The following GTF3C1 variants were observed in gnomAD, a reference collection of about 807,000 sequenced individuals.
GTF3C1 encodes general transcription factor IIIC subunit 1.
GTF3C1 carries 57 observed loss-of-function variants against 226.7 expected under a neutral mutation model. The ratio of observed to expected loss-of-function variants is 0.25; its 90% CI spans 0.20 to 0.31. The LOEUF is 0.31. GTF3C1 is among the 10% of genes least tolerant of loss of function. The pLI is 1.00. For synonymous variants in GTF3C1, 1,090 were observed against 1,084.8 expected (o/e 1.00, Z -0.09); for missense variants, 2,217 against 2,776.1 (o/e 0.80, Z 4.53).
At chr16:27,474,339 A>C (rs1038441461) in intron 29 of GTF3C1, among the ~76,000 whole-genome samples, 1 of 152,152 alleles carries the variant, frequency 6.6e-6, no homozygotes, top group Non-Finnish European at 1.5e-5. Flanking sequence ...ATGGAACTGG[A>C]ACTGGAGGAG....
chr16:27,547,894 G>A (rs2089187392), intron 1 of GTF3C1, among the ~76,000 whole-genome samples: 1 of 152,028 alleles, frequency 6.6e-6, no homozygotes, highest in Non-Finnish European at 1.5e-5. Flanking sequence ...CAAAGTGCTG[G>A]GATTACAGGC....
In GTF3C1 at chr16:27,495,285, C is replaced by A. The variant is rs149348477; in HGVS notation, c.2558G>T (p.Cys853Phe). ...GCTGCCTTTAGATGGGGCTTCAGAG[C>A]AGGCCTCCCAGGCACTTCCAGAGGA... ...PSSSGSAWEA[C>F]SEAPSKGSQD... Residue 853 changes from cysteine to phenylalanine, a missense_variant, in exon 15 of 37, where the codon TGC becomes TTC. Transcript: ENST00000356183. 1 of 1,613,298 alleles carries A rather than the reference C, an allele frequency of 6.2e-7. No individual in the cohort carries two copies. The highest frequency in any genetic ancestry group is 2.2e-5 in the East Asian group (1 of 44,884).
Position 27,461,875 on chromosome 16 carries a change from G to A in GTF3C1, c.6118-313C>T. On this transcript the variant is annotated intron_variant, in intron 36 of 36. Transcript: ENST00000356183. This position sits in a 1 kb window ranked among gnomAD's most constrained non-coding sequence, Gnocchi z 5.3. The stretch of plus-strand genomic sequence containing the variant: ...CCTGTGAGCCAAGACTGGCTTCCAG[G>A]TGGGGTTTTGTTTGGCTCATGGGGA... 1 of 413,690 alleles carries A rather than the reference G, an allele frequency of 2.4e-6. No individual in the cohort carries two copies. Among genetic ancestry groups the A allele is most frequent in the Non-Finnish European group, 4.4e-6 (1 of 227,028 alleles). 25.6% of individuals were successfully genotyped at this position (413,690 alleles called of 1,614,324 possible).
chr16:27,523,986 T>C (rs1202324533), intron 6 of GTF3C1, among the ~76,000 whole-genome samples: 1 of 152,238 alleles, frequency 6.6e-6, no homozygotes, highest in Non-Finnish European at 1.5e-5. Context: ...CTGTCTGTGC[T>C]GTAAGTCATG....
chr16:27,505,382 T>C (rs2088468599), intron 10 of GTF3C1, among the ~76,000 whole-genome samples: 1 of 152,250 alleles, frequency 6.6e-6, no homozygotes, highest in Non-Finnish European at 1.5e-5. Flanking sequence ...CAGGAAATTC[T>C]CTGCTGTGAA....
intron 7 of GTF3C1, among the ~76,000 whole-genome samples, chr16:27,509,144 T>A (rs562672557): frequency 3.3e-5 from 5 of 152,336 alleles, no homozygotes; most frequent in African/African-American, 1.2e-4. Flanking sequence ...ACTACTGCAC[T>A]GTCCCATAAG....
At position 27,461,419 on chromosome 16, in the gene GTF3C1, C is replaced by T; in HGVS notation, c.6261G>A (p.Leu2087=). Residue 2087 remains leucine, a synonymous_variant, in exon 37 of 37, where the codon TTG becomes TTA. Transcript: ENST00000356183. The surrounding 1 kb of genome is among the most constrained non-coding windows in gnomAD (Gnocchi z 5.3). ...CACGGCCCAGCCGGAGGGTACAGTC[C>T]AAGGTGGGCTCATAGAAAGCCATGG... The part of the protein sequence containing the change: ...ESPMAFYEPT[L]DCTLRLGRVF... 6.2e-7 allele frequency: 1 copy of T among 1,614,034 alleles called. No homozygotes were observed. The highest frequency in any genetic ancestry group is 8.5e-7 in the Non-Finnish European group (1 of 1,179,946).
In GTF3C1 at chr16:27,462,702, C is replaced by T. The variant is rs951951815; in HGVS notation, c.5925-216G>A. On this transcript the variant is annotated intron_variant, in intron 35 of 36. Coordinates refer to ENST00000356183, the MANE Select transcript of GTF3C1 (RefSeq NM_001520.4). This position sits in a 1 kb window ranked among gnomAD's most constrained non-coding sequence, Gnocchi z 4.5. ...CTGGGTGGAACCAGGACGTGGTGTC[C>T]GCTCTGATGTAGCTGTAACTGAGGC... The T allele has an allele frequency of 3.4e-5, 19 of 553,210 alleles. No individual in the cohort carries two copies. In the Admixed American group the frequency reaches 4.5e-4, roughly 13 times the overall value. The allele number at this position is 553,210 out of a possible 1,614,324, so 34.3% of individuals were successfully genotyped here.
Position 27,488,591 on chromosome 16 carries a change from T to A in GTF3C1, c.3474A>T (p.Thr1158=). 1 of 1,614,028 alleles carries A rather than the reference T, an allele frequency of 6.2e-7. No individual in the cohort carries two copies. The change falls in exon 22 of 37, where the codon ACA becomes ACT. Residue 1158 remains threonine, a synonymous_variant. Coordinates refer to ENST00000356183, the MANE Select transcript of GTF3C1 (RefSeq NM_001520.4). ...GGGGCATTGGGCGCTTGGACAGAAA[T>A]GTCTGGAGCCTCACTGTGAGTCCAT... is the stretch of plus-strand genomic sequence containing the variant. ...AENGLTVRLQ[T]FLSKRPMPLS...
In GTF3C1 at chr16:27,470,277, T is replaced by A. The variant is rs768648298; in HGVS notation, c.4645A>T (p.Asn1549Tyr). 42 of 1,614,042 alleles carry A rather than the reference T, an allele frequency of 2.6e-5. No homozygotes were observed. In the East Asian group the frequency reaches 9.4e-4, roughly 36 times the overall value. Residue 1549 changes from asparagine (N) to tyrosine (Y), a missense_variant, in exon 31 of 37, where the codon AAT becomes TAT. Asn to Tyr is a moderately radical substitution (Grantham distance 143). This residue lies in a region of GTF3C1 where 546 missense variants were observed against 663.0 expected (regional missense o/e 0.82). Transcript: ENST00000356183. This position sits in a 1 kb window ranked among gnomAD's most constrained non-coding sequence, Gnocchi z 4.9. Reference sequence around the variant, plus strand: ...ACCATGTCGTTTGTGGGCTCGTTATTATCCTGGTCTTTGAAAGAGAAACGA... The same window carrying A: ...ACCATGTCGTTTGTGGGCTCGTTATAATCCTGGTCTTTGAAAGAGAAACGA... The part of the protein sequence containing the change: ...PDRFSFKDQD[N>Y]NEPTNDMVAF...
chr16:27,461,606 C>A lies in GTF3C1; in HGVS notation c.6118-44G>T. 1 of 1,403,432 alleles carries A rather than the reference C, an allele frequency of 7.1e-7. No individual in the cohort carries two copies. The highest frequency in any genetic ancestry group is 1.0e-6 in the Non-Finnish European group (1 of 993,918). 86.9% of individuals were successfully genotyped at this position (1,403,432 alleles called of 1,614,324 possible). On this transcript the variant is annotated intron_variant, in intron 36 of 36. Transcript: ENST00000356183. This position sits in a 1 kb window ranked among gnomAD's most constrained non-coding sequence, Gnocchi z 5.3. ...CAGGTTACAGCGGCACTGCCCTCGCCTGCTTGTTGATTTATTCTTCAAGCA... is the reference window on the plus strand; with the variant it reads ...CAGGTTACAGCGGCACTGCCCTCGCATGCTTGTTGATTTATTCTTCAAGCA...
In GTF3C1 at chr16:27,478,455, A is replaced by G. The variant is rs1331350271; in HGVS notation, c.4259+14T>C. ...AGCAGCTGAGGAAAAGCTACTCTAT[A>G]TATCAGTACTTACCTGTTAAGTTCA... is the stretch of plus-strand genomic sequence containing the variant. On this transcript the variant is annotated intron_variant, in intron 28 of 36. Coordinates refer to ENST00000356183, the MANE Select transcript of GTF3C1 (RefSeq NM_001520.4). The G allele has an allele frequency of 2.6e-6, 4 of 1,543,578 alleles. No homozygotes were observed. Among genetic ancestry groups the G allele is most frequent in the Admixed American group, 3.3e-5 (2 of 59,928 alleles).
At chr16:27,488,495 C>T (rs1403409515) in intron 22 of GTF3C1, 59 bp downstream of exon 22, 17 of 1,553,746 alleles carry the variant, frequency 1.1e-5, no homozygotes, top group East Asian at 4.5e-5. Context: ...ATAGGGTAGT[C>T]GTTTAGGCCC....
chr16:27,530,452 G>T (rs2088899103), intron 5 of GTF3C1, among the ~76,000 whole-genome samples: 1 of 152,120 alleles, frequency 6.6e-6, no homozygotes, highest in Non-Finnish European at 1.5e-5. Flanking sequence ...TCAACGACGT[G>T]CACAATCTGG....
intron 2 of GTF3C1, among the ~76,000 whole-genome samples, chr16:27,541,087 C>T (rs1297030047): frequency 6.6e-6 from 1 of 152,144 alleles, no homozygotes; most frequent in Non-Finnish European, 1.5e-5. Context: ...GTGATCCACC[C>T]CCCTCGGCCT....
At position 27,461,631 on chromosome 16, in the gene GTF3C1, ATTTAT is replaced by A; in HGVS notation, c.6118-74_6118-70del. 8.4e-7 allele frequency: 1 copy of A among 1,189,792 alleles called. No individual in the cohort carries two copies. The highest frequency in any genetic ancestry group is 1.3e-5 in the South Asian group (1 of 79,028). 73.7% of individuals were successfully genotyped at this position (1,189,792 alleles called of 1,614,324 possible). ...CTGCTTGTTGATTTATTCTTCAAGC[ATTTAT>A]GGAATGCCCCCTCTGTACCAGGGAG... is the stretch of plus-strand genomic sequence containing the variant. On this transcript the variant is annotated intron_variant, in intron 36 of 36. Transcript: ENST00000356183. The surrounding 1 kb of genome is among the most constrained non-coding windows in gnomAD (Gnocchi z 5.3).
chr16:27,521,585 C>T (rs1051476300), intron 6 of GTF3C1, among the ~76,000 whole-genome samples: 3 of 152,250 alleles, frequency 2.0e-5, no homozygotes, highest in Admixed American at 2.0e-4. Flanking sequence ...TCTGGGTCCC[C>T]TCGAGAGAGC....
intron 5 of GTF3C1, among the ~76,000 whole-genome samples, chr16:27,529,305 C>T (rs189712193): frequency 4.6e-5 from 7 of 151,996 alleles, no homozygotes; most frequent in Admixed American, 2.6e-4. Context: ...TAGCTGGGTG[C>T]GGTGGCATAT....
At position 27,497,774 on chromosome 16, in the gene GTF3C1, T is replaced by A; in HGVS notation, c.2213A>T (p.Asp738Val). 6.2e-7 allele frequency: 1 copy of A among 1,614,136 alleles called. No homozygotes were observed. The highest frequency in any genetic ancestry group is 8.5e-7 in the Non-Finnish European group (1 of 1,179,978). ...PPVPQGEAEE[D>V]SQGKEGPSGS... ...ACTTGGGCCCTCTTTTCCTTGACTG[T>A]CTTCTTCTGCCTCCCCTTGGGGCAC... Residue 738 changes from aspartate (D) to valine (V), a missense_variant, in exon 14 of 37, where the codon GAC becomes GTC. Physicochemically the swap from Asp to Val is radical, Grantham distance 152. Coordinates refer to ENST00000356183, the MANE Select transcript of GTF3C1 (RefSeq NM_001520.4).
Sources: allele counts gnomAD v4.1 joint callset (sites outside exome capture counted in the v4.1 genomes callset), GRCh38; gene constraint gnomAD v4.1.1; regional missense constraint gnomAD v4.1.1; non-coding constraint Gnocchi (gnomAD v3.1); transcripts MANE v1.5; gene names NCBI Gene and HGNC (gene_info 2026-07-23, HGNC 2026-07-21).